POM121C: variants seen among roughly 807,000 people sequenced by gnomAD.
POM121C encodes the protein POM121 transmembrane nucleoporin C, also known as nuclear envelope pore membrane protein POM 121C.
POM121C carries 20 observed loss-of-function variants against 66.4 expected under a neutral mutation model. That is an observed-to-expected ratio of 0.30 (90% CI 0.21 to 0.44). The LOEUF is 0.44. POM121C is among the 20% of genes least tolerant of loss of function. The pLI is 1.00. For synonymous variants in POM121C, 286 were observed against 528.0 expected (o/e 0.54, Z 6.28); for missense variants, 580 against 1,225.7 (o/e 0.47, Z 7.87).
intron 3 of POM121C, among the ~76,000 whole-genome samples, chr7:75,452,097 G>T (rs1791041715): frequency 6.6e-6 from 1 of 152,200 alleles, no homozygotes; most frequent in African/African-American, 2.4e-5. Flanking sequence ...CCAGGAGGAG[G>T]AGGTTGTAGT....
At chr7:75,480,597 A>C (rs1329831393) in intron 1 of POM121C, among the ~76,000 whole-genome samples, 1 of 152,164 alleles carries the variant, frequency 6.6e-6, no homozygotes, top group East Asian at 1.9e-4. Context: ...CATAAATTTA[A>C]GAGGTTCCAT....
rs1554469944 is a variant in POM121C at position 75,417,408 on chromosome 7, T to G, written c.*1388A>C. On this transcript the variant is annotated 3_prime_UTR_variant, in exon 15 of 15. Transcript: ENST00000615331. ...GCTTGAAGGAATTTAAAAGGCAATT[T>G]AGCTTAAATACAAAAATAAATTTTT... 1.1e-6 allele frequency: 1 copy of G among 889,900 alleles called. No homozygotes were observed. The highest frequency in any genetic ancestry group is 6.2e-5 in the Admixed American group (1 of 16,106). 55.1% of individuals were successfully genotyped at this position (889,900 alleles called of 1,614,324 possible).
chr7:75,436,284 C>T (rs587755449), intron 7 of POM121C, among the ~76,000 whole-genome samples: 1 of 152,158 alleles, frequency 6.6e-6, no homozygotes, highest in South Asian at 2.1e-4. Flanking sequence ...CTGGAAGAAA[C>T]CAAAGCTTTT....
intron 3 of POM121C, among the ~76,000 whole-genome samples, chr7:75,464,856 C>CAAAAAAAAAAAAAAAAAA: frequency 2.4e-4 from 7 of 28,782 alleles, no homozygotes; most frequent in Non-Finnish European, 3.3e-4. Flanking sequence ...AACTCCATCT[C>CAAAAAAAAAAAAAAAAAA]AAAAAAAAAA....
At chr7:75,482,558 C>T (rs1365759785) in intron 1 of POM121C, among the ~76,000 whole-genome samples, 2 of 152,104 alleles carry the variant, frequency 1.3e-5, no homozygotes, top group African/African-American at 2.4e-5. Flanking sequence ...GGTGTGGCAG[C>T]GTGCACCTGT....
At position 75,481,828 on chromosome 7, in the gene POM121C, A is replaced by G. The variant is rs587776053; in HGVS notation, c.-458+4036T>C. Among the ~76,000 whole-genome samples the G allele has an allele frequency of 1.9e-3, 289 of 152,264 alleles. 2 individuals carry two copies. Among genetic ancestry groups the G allele is most frequent in the African/African-American group, 6.3e-3 (260 of 41,548 alleles). Reference sequence around the variant, plus strand: ...GAGACTCTGTCTCCAAAAAAAGAAAAGAAAAGTATTTTGGCTAGTAAATAA... The same window carrying G: ...GAGACTCTGTCTCCAAAAAAAGAAAGGAAAAGTATTTTGGCTAGTAAATAA... On this transcript the variant is annotated intron_variant, in intron 1 of 14. Coordinates refer to ENST00000615331, the MANE Select transcript of POM121C (RefSeq NM_001099415.3).
chr7:75,475,408 C>A (rs140314023), intron 1 of POM121C, among the ~76,000 whole-genome samples: 1 of 152,122 alleles, frequency 6.6e-6, no homozygotes, highest in African/African-American at 2.4e-5. Context: ...TATTTTGCAA[C>A]TGAACTGAGT....
intron 1 of POM121C, among the ~76,000 whole-genome samples, chr7:75,485,559 C>T (rs1792497183): frequency 6.6e-6 from 1 of 152,144 alleles, no homozygotes; most frequent in South Asian, 2.1e-4. Flanking sequence ...TGCTGACGGA[C>T]GTTTAGAGGC....
rs587750524 is a variant in POM121C, at chr7:75,424,205, T to A, written c.892A>T (p.Thr298Ser). 3.7e-6 allele frequency: 6 copies of A among 1,611,944 alleles called. No homozygotes were observed. In the African/African-American group the frequency reaches 5.3e-5, roughly 14 times the overall value. Reference sequence around the variant, plus strand: ...GGCTGAGTGGTAGGTGGGGTCTCAGTGACAGAGTTCGAGGCAGCATCTAAG... The same window carrying A: ...GGCTGAGTGGTAGGTGGGGTCTCAGAGACAGAGTTCGAGGCAGCATCTAAG... ...DKSDAASNSV[T>S]ETPPTTQPSF... The change falls in exon 12 of 15, where the codon ACT (threonine) becomes TCT (serine). Residue 298 changes from threonine to serine, a missense_variant. Thr to Ser is a moderately conservative substitution (Grantham distance 58, BLOSUM62 1). Coordinates refer to ENST00000615331, the MANE Select transcript of POM121C (RefSeq NM_001099415.3).
At position 75,475,982 on chromosome 7, in the gene POM121C, A is replaced by G. The variant is rs587726569; in HGVS notation, c.-457-794T>C. On this transcript the variant is annotated intron_variant, in intron 1 of 14. Transcript: ENST00000615331. ...CAATGGCAAACATGAAGCAGCTTCA[A>G]TTTTTAAGAGGTTGGGGCTGGGCAT... 2.6e-5 allele frequency among the ~76,000 whole-genome samples: 4 copies of G among 152,152 alleles called. No homozygotes were observed. In the South Asian group the frequency reaches 8.3e-4, roughly 32 times the overall value.
intron 6 of POM121C, 98 bp downstream of exon 6, chr7:75,439,046 G>A (rs1790526615): frequency 1.5e-6 from 2 of 1,328,904 alleles, no homozygotes; most frequent in South Asian, 1.2e-5. Context: ...AACTAATTAA[G>A]CAATGCAAAA....
chr7:75,440,132 C>T (rs1340877792), intron 5 of POM121C, among the ~76,000 whole-genome samples: 7 of 151,876 alleles, frequency 4.6e-5, no homozygotes, highest in South Asian at 4.2e-4. Flanking sequence ...CCACCCGCCT[C>T]GGCCTCTCAA....
At chr7:75,429,457 T>C (rs2116359344) in intron 7 of POM121C, among the ~76,000 whole-genome samples, 1 of 151,802 alleles carries the variant, frequency 6.6e-6, no homozygotes, top group East Asian at 2.0e-4. Context: ...CAAGGTGAAA[T>C]CCTGTCTCTA....
rs1241173190 is a variant in POM121C at position 75,418,422 on chromosome 7, G to C, written c.*374C>G. ...AGGTGCACACCACCGATCCAGGCGG[G>C]CTGGACCCTGCCCCCTCCAGCGACG... On this transcript the variant is annotated 3_prime_UTR_variant, in exon 15 of 15. Coordinates refer to ENST00000615331, the MANE Select transcript of POM121C (RefSeq NM_001099415.3). 3.9e-5 allele frequency: 40 copies of C among 1,028,856 alleles called. No homozygotes were observed. The highest frequency in any genetic ancestry group is 4.7e-5 in the Non-Finnish European group (40 of 858,080). 63.7% of individuals were successfully genotyped at this position (1,028,856 alleles called of 1,614,324 possible).
Position 75,475,983 on chromosome 7 carries a change from T to G in POM121C, c.-457-795A>C, listed in dbSNP as rs587600375. 5.1e-4 allele frequency among the ~76,000 whole-genome samples: 77 copies of G among 152,136 alleles called. 1 individual carries two copies. The South Asian group carries it at 0.016, about 32-fold the overall frequency. ...AATGGCAAACATGAAGCAGCTTCAATTTTTAAGAGGTTGGGGCTGGGCATG... is the reference window on the plus strand; with the variant it reads ...AATGGCAAACATGAAGCAGCTTCAAGTTTTAAGAGGTTGGGGCTGGGCATG... On this transcript the variant is annotated intron_variant, in intron 1 of 14. Coordinates refer to ENST00000615331, the MANE Select transcript of POM121C (RefSeq NM_001099415.3).
At chr7:75,459,971 CA>C (rs1157144000) in intron 3 of POM121C, among the ~76,000 whole-genome samples, 27 of 133,068 alleles carry the variant, frequency 2.0e-4, no homozygotes, top group Admixed American at 1.6e-3. Context: ...AAATCCTATA[CA>C]AAAATATATA....
chr7:75,422,168 A>C lies in POM121C; in HGVS notation c.2084T>G (p.Leu695Arg). ...GGGGTTGGCTCCCGGATATGATGGG[A>C]GCGGGGACTTGGCGCTTGAGCCAAA... is the stretch of plus-strand genomic sequence containing the variant. ...IPFGSSAKSPLPSYPGANPQP... is the reference protein window; with the variant it reads ...IPFGSSAKSPRPSYPGANPQP... Residue 695 changes from leucine to arginine, a missense_variant, in exon 13 of 15, where the codon CTC becomes CGC. Coordinates refer to ENST00000615331, the MANE Select transcript of POM121C (RefSeq NM_001099415.3). 3.1e-6 allele frequency: 5 copies of C among 1,606,212 alleles called. No individual in the cohort carries two copies. Among genetic ancestry groups the C allele is most frequent in the South Asian group, 1.1e-5 (1 of 90,476 alleles).
chr7:75,437,731 T>G, intron 6 of POM121C, 45 bp from the exon 7 acceptor site: 1 of 1,530,230 alleles, frequency 6.5e-7, no homozygotes, highest in Non-Finnish European at 8.8e-7. Context: ...AAGGCAACAT[T>G]CTTTTACGAT....
At chr7:75,449,875 C>G (rs183710414) in intron 3 of POM121C, among the ~76,000 whole-genome samples, 1 of 151,986 alleles carries the variant, frequency 6.6e-6, no homozygotes, top group African/African-American at 2.4e-5. Context: ...ATTAGCCAGG[C>G]GTGGTGGCAG....
Sources: allele counts gnomAD v4.1 joint callset (sites outside exome capture counted in the v4.1 genomes callset), GRCh38; gene constraint gnomAD v4.1.1; transcripts MANE v1.5; gene names NCBI Gene and HGNC (gene_info 2026-07-23, HGNC 2026-07-21).